PPP2R3A: variants seen among roughly 807,000 people sequenced by gnomAD.
PPP2R3A encodes protein phosphatase 2 regulatory subunit B''alpha, also known as serine/threonine-protein phosphatase 2A regulatory subunit B'' subunit alpha.
PPP2R3A carries 80 observed loss-of-function variants against 106.9 expected under a neutral mutation model. The ratio of observed to expected loss-of-function variants is 0.75; its 90% confidence interval spans 0.62 to 0.90. PPP2R3A has a LOEUF of 0.90. PPP2R3A is among the 40% of genes least tolerant of loss of function. The pLI, the probability that PPP2R3A is intolerant of heterozygous loss-of-function variation, is 0.00. For missense variants in PPP2R3A, 1,386 were observed against 1,350.4 expected (o/e 1.03, Z -0.41); for synonymous variants, 483 against 468.3 (o/e 1.03, Z -0.41).
rs1459928731 is a variant in PPP2R3A, at chr3:136,143,318, G to A, written c.3330-1725G>A. ...AGCCTGGCCAACATGGCGAAACCCT[G>A]TTGCTACTAAGAAAACACAAAAACC... On this transcript the variant is annotated intron_variant, in intron 13 of 13. Coordinates refer to ENST00000264977, the MANE Select transcript of PPP2R3A (RefSeq NM_002718.5). Among the ~76,000 whole-genome samples, 6 of 152,088 alleles carry A rather than the reference G, an allele frequency of 3.9e-5. No homozygotes were observed. In the South Asian group the frequency reaches 1.2e-3, roughly 32 times the overall value.
rs562742668 is a variant in PPP2R3A, at chr3:136,089,384, A to C, written c.2838-1194A>C. 2.6e-5 allele frequency among the ~76,000 whole-genome samples: 4 copies of C among 152,062 alleles called. No individual in the cohort carries two copies. In the East Asian group the frequency reaches 7.7e-4, roughly 29 times the overall value. ...TTTTATCGACTTTGTCAAATATCAG[A>C]TGGTTGTAGGTGTGCAGCTTTATTT... On this transcript the variant is annotated intron_variant, in intron 9 of 13. Transcript: ENST00000264977.
chr3:136,054,276 T>A (rs1272452562), intron 5 of PPP2R3A, among the ~76,000 whole-genome samples: 273 of 148,750 alleles, frequency 1.8e-3, no homozygotes, highest in South Asian at 3.2e-3. Context: ...TTTTTTTTTT[T>A]TGAGTTGGAG....
intron 13 of PPP2R3A, among the ~76,000 whole-genome samples, chr3:136,133,874 G>T (rs1286501418): frequency 7.4e-6 from 1 of 134,652 alleles, no homozygotes; most frequent in Non-Finnish European, 1.6e-5. Context: ...TGGGGAACAA[G>T]AGTGAAACTC....
chr3:135,981,909 G>C (rs1009094525), intron 1 of PPP2R3A, among the ~76,000 whole-genome samples: 1 of 151,640 alleles, frequency 6.6e-6, no homozygotes, highest in Non-Finnish European at 1.5e-5. Context: ...TTTAGACTTT[G>C]TTCAAAATGC....
At chr3:136,092,329 A>C (rs1937113044) in intron 10 of PPP2R3A, among the ~76,000 whole-genome samples, 1 of 152,134 alleles carries the variant, frequency 6.6e-6, no homozygotes, top group East Asian at 1.9e-4. Flanking sequence ...AAACTCCATC[A>C]CCAAAAAAAT....
chr3:136,034,439 T>C (rs983924902), intron 3 of PPP2R3A, among the ~76,000 whole-genome samples: 22 of 152,216 alleles, frequency 1.4e-4, no homozygotes, highest in African/African-American at 4.6e-4. Context: ...GTCATTCAGT[T>C]TGAAGAATGT....
intron 7 of PPP2R3A, chr3:136,079,177 G>C (rs772631551): frequency 2.2e-5 from 10 of 454,898 alleles, no homozygotes; most frequent in Non-Finnish European, 3.5e-5. Flanking sequence ...AAAATTAGCA[G>C]TCCATGATGG....
intron 5 of PPP2R3A, 48 bp downstream of exon 5, chr3:136,049,409 G>C: frequency 7.1e-7 from 1 of 1,414,504 alleles, no homozygotes; most frequent in Non-Finnish European, 9.9e-7. Context: ...TGGAGTTTCA[G>C]CAGTTTTGTT....
chr3:135,983,992 GT>G (rs1937572811), intron 1 of PPP2R3A, among the ~76,000 whole-genome samples: 1 of 152,016 alleles, frequency 6.6e-6, no homozygotes, highest in Non-Finnish European at 1.5e-5. Context: ...CAGTTTATTA[GT>G]TTTCAAACTT....
At chr3:136,036,729 C>A (rs1290226026) in intron 3 of PPP2R3A, among the ~76,000 whole-genome samples, 1 of 152,186 alleles carries the variant, frequency 6.6e-6, no homozygotes, top group African/African-American at 2.4e-5. Flanking sequence ...TGCAAGCCTC[C>A]ACACACTGCT....
At chr3:136,125,166 C>G (rs1938137991) in intron 13 of PPP2R3A, among the ~76,000 whole-genome samples, 1 of 151,800 alleles carries the variant, frequency 6.6e-6, no homozygotes, top group Non-Finnish European at 1.5e-5. Context: ...ACTAAAAATA[C>G]AAAATTAGCT....
intron 13 of PPP2R3A, among the ~76,000 whole-genome samples, chr3:136,114,077 A>G (rs117906802): frequency 6.6e-6 from 1 of 152,146 alleles, no homozygotes; most frequent in South Asian, 2.1e-4. Flanking sequence ...AGTTCATCTC[A>G]TTGGGACTGG....
chr3:136,002,538 G>A lies in PPP2R3A; in HGVS notation c.1040G>A (p.Arg347Gln), dbSNP rs35988394. The change falls in exon 2 of 14, where the codon CGA becomes CAA. Residue 347 changes from arginine to glutamine, a missense_variant. Arg to Gln is a conservative substitution (Grantham distance 43). Coordinates refer to ENST00000264977, the MANE Select transcript of PPP2R3A (RefSeq NM_002718.5). ...CAGCTCTCAGCTTCTGACTCTGGAC[G>A]ATTTCAAACTATTGAATTGCAAAAT... The part of the protein sequence containing the change: ...VVQLSASDSG[R>Q]FQTIELQNDK... The A allele has an allele frequency of 4.1e-5, 66 of 1,613,908 alleles. No individual in the cohort carries two copies. In the Middle Eastern group the frequency reaches 6.6e-4, roughly 16 times the overall value.
intron 1 of PPP2R3A, among the ~76,000 whole-genome samples, chr3:135,966,070 C>T (rs1185264558): frequency 1.3e-5 from 2 of 151,880 alleles, no homozygotes; most frequent in Non-Finnish European, 2.9e-5. Context: ...TGCCTCGGCG[C>T]GGCCGGCCGG....
At chr3:136,142,494 C>T (rs1261009489) in intron 13 of PPP2R3A, among the ~76,000 whole-genome samples, 1 of 152,240 alleles carries the variant, frequency 6.6e-6, no homozygotes, top group South Asian at 2.1e-4. Flanking sequence ...ATGACATACA[C>T]AAAAATGTAT....
intron 3 of PPP2R3A, among the ~76,000 whole-genome samples, chr3:136,038,109 G>A (rs1224957236): frequency 6.6e-6 from 1 of 152,040 alleles, no homozygotes; most frequent in South Asian, 2.1e-4. Flanking sequence ...TTAAATCTTT[G>A]ATTTTTAAGC....
At position 136,089,908 on chromosome 3, in the gene PPP2R3A, T is replaced by C. The variant is rs1054832116; in HGVS notation, c.2838-670T>C. ...TGCATTCTTGATTTGGCTTTCAGCT[T>C]GAATGCTATTGGTGTATTGAAATGT... On this transcript the variant is annotated intron_variant, in intron 9 of 13. Transcript: ENST00000264977. 2.2e-4 allele frequency among the ~76,000 whole-genome samples: 34 copies of C among 152,198 alleles called. 1 individual carries two copies. Among genetic ancestry groups the C allele is most frequent in the Admixed American group, 1.4e-3 (22 of 15,276 alleles).
chr3:136,123,721 T>C (rs989324348), intron 13 of PPP2R3A, among the ~76,000 whole-genome samples: 1 of 152,190 alleles, frequency 6.6e-6, no homozygotes, highest in Non-Finnish European at 1.5e-5. Context: ...TAAATGTATG[T>C]GTATCAAACA....
chr3:136,098,888 T>C (rs1018782162), intron 10 of PPP2R3A, among the ~76,000 whole-genome samples: 5 of 152,214 alleles, frequency 3.3e-5, no homozygotes, highest in Admixed American at 6.5e-5. Context: ...ACAGTTGATC[T>C]TCAGGTCATG....
Sources: gnomAD v4.1 joint callset for allele counts (sites outside exome capture counted in the v4.1 genomes callset) on GRCh38, gnomAD v4.1.1 for gene constraint, MANE v1.5 for transcripts, NCBI Gene and HGNC (gene_info 2026-07-23, HGNC 2026-07-21) for gene names.